PIK3C2G: variants seen among roughly 807,000 people sequenced by gnomAD.
PIK3C2G encodes the protein phosphatidylinositol 3-kinase C2 domain-containing subunit gamma.
In PIK3C2G, 168 loss-of-function variants were observed where a neutral mutation model predicts 181.1. That is an observed-to-expected ratio of 0.93 (90% CI 0.82 to 1.05). The LOEUF (loss-of-function observed/expected upper bound fraction) is 1.05, where lower values mean the gene tolerates loss of function less well. Ranked by LOEUF, PIK3C2G falls within the 50% of genes least tolerant of loss-of-function variation. The pLI, the probability that PIK3C2G is intolerant of heterozygous loss-of-function variation, is 0.00. For synonymous variants in PIK3C2G, 573 were observed against 592.2 expected (o/e 0.97, Z 0.47); for missense variants, 1,869 against 1,732.8 (o/e 1.08, Z -1.40).
chr12:18,321,209 T>A (rs1439884939), intron 7 of PIK3C2G, among the ~76,000 whole-genome samples, 177 bp downstream of exon 7: 2 of 152,214 alleles, frequency 1.3e-5, no homozygotes, highest in Admixed American at 1.3e-4. Flanking sequence ...TATTCAGACA[T>A]ATTTGAAGAG....
chr12:18,520,590 T>G (rs913891809), intron 24 of PIK3C2G, among the ~76,000 whole-genome samples: 2 of 152,204 alleles, frequency 1.3e-5, no homozygotes, highest in Non-Finnish European at 2.9e-5. Context: ...CTCTCTAAAC[T>G]GGTTATTCTA....
the PIK3C2G span, chr12:18,693,669 A>G: frequency 1.5e-5 from 24 of 1,566,758 alleles, no homozygotes; most frequent in Middle Eastern, 1.7e-4. Context: ...TATGACTCCA[A>G]TTCTGGTGGT....
chr12:18,663,770 T>A, the PIK3C2G span, among the ~76,000 whole-genome samples: 15 of 152,036 alleles, frequency 9.9e-5, no homozygotes, highest in East Asian at 2.5e-3. Context: ...AATTGAAAAA[T>A]GTTGTGCATC....
intron 16 of PIK3C2G, among the ~76,000 whole-genome samples, chr12:18,419,217 T>C (rs530665850): frequency 2.4e-4 from 37 of 152,174 alleles, no homozygotes; most frequent in Non-Finnish European, 4.4e-4. Context: ...GTTAAAGATA[T>C]AGCATTCACC....
chr12:18,625,257 CT>C (rs1949045532), intron 31 of PIK3C2G, among the ~76,000 whole-genome samples: 1 of 151,376 alleles, frequency 6.6e-6, no homozygotes, highest in South Asian at 2.1e-4. Flanking sequence ...TTTAATTTCC[CT>C]TTTAATTTCT....
In PIK3C2G at chr12:18,567,008, T is replaced by A; in HGVS notation, c.3962T>A (p.Leu1321Gln). 1 of 1,589,552 alleles carries A rather than the reference T, an allele frequency of 6.3e-7. No homozygotes were observed. The highest frequency in any genetic ancestry group is 1.3e-5 in the African/African-American group (1 of 74,500). Residue 1321 changes from leucine to glutamine, a missense_variant, in exon 29 of 33, where the codon CTA becomes CAA. Coordinates refer to ENST00000538779, the MANE Select transcript of PIK3C2G (RefSeq NM_001288772.2). Reference protein sequence around the residue: ...TNSDHRRFRDLNHYMEQILNV... With the variant: ...TNSDHRRFRDQNHYMEQILNV... ...TCAGATCACAGAAGATTCAGAGATC[T>A]AAATCATTACATGGAACAGATATTA...
At chr12:18,518,727 A>C (rs1942721274) in intron 24 of PIK3C2G, among the ~76,000 whole-genome samples, 1 of 151,718 alleles carries the variant, frequency 6.6e-6, no homozygotes. Flanking sequence ...TATCTCTATC[A>C]CCTTCAATTC....
chr12:18,615,129 TCCC>T (rs1948534580), intron 31 of PIK3C2G, among the ~76,000 whole-genome samples: 2 of 151,742 alleles, frequency 1.3e-5, no homozygotes, highest in Non-Finnish European at 2.9e-5. Flanking sequence ...TTCCCACCCT[TCCC>T]CCCAAGTCCC....
At chr12:18,408,168 G>A (rs1049786146) in intron 16 of PIK3C2G, among the ~76,000 whole-genome samples, 1 of 152,076 alleles carries the variant, frequency 6.6e-6, no homozygotes, top group African/African-American at 2.4e-5. Context: ...TATTGCCTAG[G>A]TTTTCTTCTA....
intron 16 of PIK3C2G, among the ~76,000 whole-genome samples, chr12:18,404,170 T>C (rs1187260268): frequency 6.6e-6 from 1 of 152,226 alleles, no homozygotes; most frequent in Non-Finnish European, 1.5e-5. Context: ...AACCATTGTA[T>C]TCTTTATTGT....
rs1949873892 is a variant in PIK3C2G, at chr12:18,642,128, T to G, written c.4308+1574T>G. ...ACTTTTAGACCAGGCTTTCCTCCAT[T>G]CATTCTTTCTTTTATAGATGGTACC... On this transcript the variant is annotated intron_variant, in intron 32 of 32. Transcript: ENST00000538779. 2.6e-5 allele frequency among the ~76,000 whole-genome samples: 4 copies of G among 152,200 alleles called. No homozygotes were observed. In the South Asian group the frequency reaches 8.3e-4, roughly 31 times the overall value.
At chr12:18,268,388 GTTA>G (rs10542107) in intron 1 of PIK3C2G, among the ~76,000 whole-genome samples, 20,687 of 151,530 alleles carry the variant, frequency 0.14, 1,760 homozygotes, top group East Asian at 0.48. Context: ...GATTTTTATT[GTTA>G]TTATTATTAT....
intron 26 of PIK3C2G, among the ~76,000 whole-genome samples, chr12:18,553,156 C>T (rs1313676116): frequency 1.3e-5 from 2 of 152,122 alleles, no homozygotes; most frequent in Admixed American, 1.3e-4. Context: ...AATTAGGCTA[C>T]AATCGTTTAC....
chr12:18,579,944 C>A (rs1489660128), intron 29 of PIK3C2G, among the ~76,000 whole-genome samples: 1 of 151,966 alleles, frequency 6.6e-6, no homozygotes, highest in Non-Finnish European at 1.5e-5. Context: ...ACCATCCTGG[C>A]CAACATGGTG....
chr12:18,374,207 G>A (rs1403005075), intron 13 of PIK3C2G, among the ~76,000 whole-genome samples: 1 of 152,126 alleles, frequency 6.6e-6, no homozygotes, highest in Non-Finnish European at 1.5e-5. Flanking sequence ...CTGAGCACCA[G>A]TATTTTCAAA....
At chr12:18,516,465 A>C (rs1013743103) in intron 24 of PIK3C2G, among the ~76,000 whole-genome samples, 67 of 152,116 alleles carry the variant, frequency 4.4e-4, no homozygotes, top group African/African-American at 1.5e-3. Context: ...ATTTCTCCTT[A>C]GTTTAAAATT....
At chr12:18,616,389 A>G (rs1275814384) in intron 31 of PIK3C2G, among the ~76,000 whole-genome samples, 1 of 152,148 alleles carries the variant, frequency 6.6e-6, no homozygotes, top group Non-Finnish European at 1.5e-5. Context: ...TCCACAATCC[A>G]GAAAAGCTTA....
At chr12:18,410,978 T>C (rs1031207069) in intron 16 of PIK3C2G, among the ~76,000 whole-genome samples, 3 of 152,170 alleles carry the variant, frequency 2.0e-5, no homozygotes, top group African/African-American at 7.2e-5. Flanking sequence ...ATCTAGTTAA[T>C]TCCCAATTTC....
intron 18 of PIK3C2G, among the ~76,000 whole-genome samples, chr12:18,447,417 T>C (rs1253631570): frequency 1.3e-5 from 2 of 152,234 alleles, no homozygotes; most frequent in Non-Finnish European, 2.9e-5. Context: ...GATTTTTGCA[T>C]TTTCTTTTTA....
Sources: gnomAD v4.1 joint callset for allele counts (sites outside exome capture counted in the v4.1 genomes callset) on GRCh38, gnomAD v4.1.1 for gene constraint, MANE v1.5 for transcripts, NCBI Gene and HGNC (gene_info 2026-07-23, HGNC 2026-07-21) for gene names.